PPP4R3A: variants seen among roughly 807,000 people sequenced by gnomAD.
The protein encoded by PPP4R3A is protein phosphatase 4 regulatory subunit 3A, also known as serine/threonine-protein phosphatase 4 regulatory subunit 3A.
A neutral mutation model predicts 91.7 loss-of-function variants in PPP4R3A; 15 were observed. The ratio of observed to expected loss-of-function variants is 0.16; its 90% CI spans 0.11 to 0.25. The LOEUF (loss-of-function observed/expected upper bound fraction) is 0.25, where lower values mean the gene tolerates loss of function less well. Among genes scored for constraint, PPP4R3A ranks in the 10% least tolerant of loss-of-function variants. The probability of loss-of-function intolerance (pLI) is 1.00; values close to 1 mark genes in which losing one functional copy is unlikely to be tolerated. For synonymous variants in PPP4R3A, 377 were observed against 348.7 expected (o/e 1.08, Z -0.91); for missense variants, 623 against 998.4 (o/e 0.62, Z 5.07).
chr14:91,466,132 A>T, intron 10 of PPP4R3A: 1 of 583,548 alleles, frequency 1.7e-6, no homozygotes, highest in Non-Finnish European at 2.2e-6. Context: ...GGAGTTACTT[A>T]AGTCACCATT....
chr14:91,467,420 C>CT (rs1888539707), intron 10 of PPP4R3A, among the ~76,000 whole-genome samples: 1 of 152,154 alleles, frequency 6.6e-6, no homozygotes, highest in Non-Finnish European at 1.5e-5. Flanking sequence ...CCAGGAACCT[C>CT]TTGTGCTTAG....
intron 1 of PPP4R3A, among the ~76,000 whole-genome samples, chr14:91,494,401 A>G (rs929392490): frequency 2.6e-5 from 4 of 152,232 alleles, no homozygotes; most frequent in Non-Finnish European, 4.4e-5. Context: ...TGGAAAGCAT[A>G]TATCTGGTAA....
At position 91,461,599 on chromosome 14, in the gene PPP4R3A, T is replaced by C. The variant is rs1349421784; in HGVS notation, c.2173A>G (p.Ser725Gly). The C allele has an allele frequency of 1.9e-6, 3 of 1,613,596 alleles. No homozygotes were observed. Among genetic ancestry groups the C allele is most frequent in the Non-Finnish European group, 2.5e-6 (3 of 1,179,728 alleles). The change falls in exon 14 of 15, where the codon AGT becomes GGT. Residue 725 changes from serine (S) to glycine (G), a missense_variant. Ser to Gly is a moderately conservative substitution (Grantham distance 56, BLOSUM62 0). Around this residue, in one of 5 missense-constraint regions of PPP4R3A, gnomAD observed 201 missense variants for 229.9 expected, o/e 0.87. Coordinates refer to ENST00000554943, the MANE Select transcript of PPP4R3A (RefSeq NM_001366432.2). The stretch of plus-strand genomic sequence containing the variant: ...TTCAGAAGCACTTCCTTTTCCTCAC[T>C]TTCTTTTACTAAAAATGAGAATACT... ...KFMERKKLKE[S>G]EEKEVLLKTN...
intron 7 of PPP4R3A, chr14:91,475,100 T>G (rs1460063503): frequency 6.6e-6 from 1 of 151,982 alleles, no homozygotes; most frequent in Non-Finnish European, 1.5e-5. Context: ...CCTCCTCCCT[T>G]AAGAAGGACC....
intron 1 of PPP4R3A, among the ~76,000 whole-genome samples, chr14:91,503,080 T>TG (rs1891060254): frequency 6.6e-6 from 1 of 152,192 alleles, no homozygotes; most frequent in African/African-American, 2.4e-5. Flanking sequence ...CTCAAACTCC[T>TG]GGGCTCAAGC....
At position 91,458,447 on chromosome 14, in the gene PPP4R3A, CCAGT is replaced by C; in HGVS notation, c.*308_*311del. Reference sequence around the variant, plus strand: ...AGCATATTCTGATTGTAGCAACTGACCAGTCAATCCAGAGTTCCACTTACAAAAC... The same window carrying C: ...AGCATATTCTGATTGTAGCAACTGACCAATCCAGAGTTCCACTTACAAAAC... On this transcript the variant is annotated 3_prime_UTR_variant, in exon 15 of 15. Transcript: ENST00000554943. 1 of 400,142 alleles carries C rather than the reference CCAGT, an allele frequency of 2.5e-6. No homozygotes were observed. Among genetic ancestry groups the C allele is most frequent in the South Asian group, 2.4e-5 (1 of 42,426 alleles). 24.8% of individuals were successfully genotyped at this position (400,142 alleles called of 1,614,324 possible). A position where few individuals can be genotyped will look rare whatever the true frequency, so the allele number is the denominator to read the frequency against.
chr14:91,476,352 A>G, intron 6 of PPP4R3A, 56 bp downstream of exon 6: 1 of 1,213,962 alleles, frequency 8.2e-7, no homozygotes, highest in Non-Finnish European at 1.2e-6. Context: ...AGCATTAAAA[A>G]TATTAATTTT....
intron 1 of PPP4R3A, among the ~76,000 whole-genome samples, chr14:91,493,621 T>G (rs910929831): frequency 2.5e-5 from 3 of 118,948 alleles, no homozygotes; most frequent in African/African-American, 7.4e-5. Context: ...GACCCCATAC[T>G]ATATATTTTT....
intron 1 of PPP4R3A, among the ~76,000 whole-genome samples, chr14:91,498,234 C>G (rs1890706123): frequency 6.6e-6 from 1 of 151,764 alleles, no homozygotes; most frequent in Non-Finnish European, 1.5e-5. Context: ...ACTAGGGAGG[C>G]TGAAGCAGGA....
intron 10 of PPP4R3A, among the ~76,000 whole-genome samples, 187 bp from the exon 11 acceptor site, chr14:91,465,606 C>A (rs983601972): frequency 6.6e-6 from 1 of 152,098 alleles, no homozygotes; most frequent in South Asian, 2.1e-4. Context: ...AGAAAAATGT[C>A]TTCTAAAAGT....
intron 1 of PPP4R3A, among the ~76,000 whole-genome samples, chr14:91,493,245 C>T (rs1355826888): frequency 2.1e-5 from 3 of 143,670 alleles, no homozygotes; most frequent in Admixed American, 6.7e-5. Flanking sequence ...AAAAATTAGC[C>T]GGGCATGGTT....
chr14:91,474,516 G>A (rs145197164), intron 7 of PPP4R3A: 6 of 152,294 alleles, frequency 3.9e-5, no homozygotes, highest in Non-Finnish European at 8.8e-5. Context: ...GAGTCCTACT[G>A]TGTGTATTTT....
At position 91,458,191 on chromosome 14, in the gene PPP4R3A, AAAAAT is replaced by A. The variant is rs1180365067; in HGVS notation, c.*563_*567del. The A allele has an allele frequency of 6.5e-6, 1 of 153,378 alleles. No homozygotes were observed. Among genetic ancestry groups the A allele is most frequent in the African/African-American group, 2.4e-5 (1 of 41,440 alleles). The allele number at this position is 153,378 out of a possible 1,614,324, so 9.5% of individuals were successfully genotyped here. ...TAGGGAGAAGTCCCCACTTAAAAAA[AAAAAT>A]ATCTGCAGTTTGAAGGGCAAAGGGA... On this transcript the variant is annotated 3_prime_UTR_variant, in exon 15 of 15. Transcript: ENST00000554943.
At chr14:91,501,871 AT>A (rs755484959) in intron 1 of PPP4R3A, among the ~76,000 whole-genome samples, 14,735 of 100,254 alleles carry the variant, frequency 0.15, 846 homozygotes, top group Middle Eastern at 0.18. Context: ...AGCCCGGCTA[AT>A]TTTTTTTTTT....
At chr14:91,491,037 C>G (rs1890207985) in intron 1 of PPP4R3A, among the ~76,000 whole-genome samples, 1 of 151,432 alleles carries the variant, frequency 6.6e-6, no homozygotes, top group Non-Finnish European at 1.5e-5. Flanking sequence ...TCCCAAGGAG[C>G]TGGGATTACA....
chr14:91,461,416 T>C lies in PPP4R3A; in HGVS notation c.2356A>G (p.Lys786Glu). The change falls in exon 14 of 15, where the codon AAA (lysine) becomes GAA (glutamate). Residue 786 changes from lysine to glutamate, a missense_variant. This residue lies in a region of PPP4R3A where 201 missense variants were observed against 229.9 expected (regional missense o/e 0.87). Coordinates refer to ENST00000554943, the MANE Select transcript of PPP4R3A (RefSeq NM_001366432.2). ...ATAGCTGCCGTCTGAGATGTATTTT[T>C]AGGTACGGATCCAGGAGAGCCTGGA... ...GSPGSPGSVP[K>E]NTSQTAAITT... The C allele has an allele frequency of 6.2e-7, 1 of 1,613,066 alleles. No homozygotes were observed. The highest frequency in any genetic ancestry group is 8.5e-7 in the Non-Finnish European group (1 of 1,179,066).
At chr14:91,471,484 A>G (rs1225141061) in intron 9 of PPP4R3A, among the ~76,000 whole-genome samples, 3 of 152,130 alleles carry the variant, frequency 2.0e-5, no homozygotes, top group African/African-American at 7.2e-5. Flanking sequence ...AATTATAATC[A>G]TTGACTTATC....
chr14:91,462,588 G>A (rs1488170131), intron 12 of PPP4R3A, 147 bp downstream of exon 12: 3 of 880,206 alleles, frequency 3.4e-6, no homozygotes, highest in East Asian at 2.6e-5. Context: ...AAACATTTAT[G>A]TTGACCCTTA....
At chr14:91,485,978 CA>C (rs1889852821) in intron 2 of PPP4R3A, among the ~76,000 whole-genome samples, 1 of 152,066 alleles carries the variant, frequency 6.6e-6, no homozygotes, top group Non-Finnish European at 1.5e-5. Flanking sequence ...TCATGCATTG[CA>C]AAAGATAAAA....
Sources: allele counts gnomAD v4.1 joint callset (sites outside exome capture counted in the v4.1 genomes callset), GRCh38; gene constraint gnomAD v4.1.1; regional missense constraint gnomAD v4.1.1; transcripts MANE v1.5; gene names NCBI Gene and HGNC (gene_info 2026-07-23, HGNC 2026-07-21).